Variants in PUS7L observed in about 807,000 individuals in gnomAD.
PUS7L encodes the protein pseudouridine synthase 7 like, also known as pseudouridylate synthase PUS7L.
In PUS7L, 49 loss-of-function variants were observed where a neutral mutation model predicts 51.1. The ratio of observed to expected loss-of-function variants is 0.96; its 90% confidence interval spans 0.76 to 1.22. The LOEUF is 1.22. Among genes scored for constraint, PUS7L ranks in the 50% most tolerant of loss-of-function variants. The pLI, the probability that PUS7L is intolerant of heterozygous loss-of-function variation, is 0.00. For missense variants in PUS7L, 828 were observed against 820.6 expected (o/e 1.01, Z -0.11); for synonymous variants, 277 against 276.2 (o/e 1.00, Z -0.03).
At chr12:43,752,784 A>C (rs1268630299) in intron 2 of PUS7L, among the ~76,000 whole-genome samples, 8 of 152,208 alleles carry the variant, frequency 5.3e-5, no homozygotes, top group Non-Finnish European at 1.2e-4. Flanking sequence ...GGGATGGTGA[A>C]AAAATTCTGG....
Position 43,738,385 on chromosome 12 carries a change from C to G in PUS7L, c.1369G>C (p.Ala457Pro). 1 of 1,558,910 alleles carries G rather than the reference C, an allele frequency of 6.4e-7. No individual in the cohort carries two copies. Among genetic ancestry groups the G allele is most frequent in the South Asian group, 1.1e-5 (1 of 88,640 alleles). ...TCTGGTGTAAGAAACAATTTTATGG[C>G]TTTCATCTTAAAAAATCAAGCAGGT... is the stretch of plus-strand genomic sequence containing the variant. ...LALLKNEMMK[A>P]IKLFLTPEDL... is the part of the protein sequence containing the mutation. Residue 457 changes from alanine to proline, a missense_variant, in exon 6 of 9, where the codon GCC (alanine) becomes CCC (proline). By Grantham distance (27) the Ala-to-Pro change is conservative. Transcript: ENST00000344862.
chr12:43,748,745 G>T lies in PUS7L; in HGVS notation c.911-136C>A, dbSNP rs974970530. On this transcript the variant is annotated intron_variant, in intron 2 of 8. Transcript: ENST00000344862. The stretch of plus-strand genomic sequence containing the variant: ...GTTGTTGTTGTTGTTGTTGTTTTGT[G>T]ATGGAGTGTCACTCTGTCACCAGGC... 33 of 752,660 alleles carry T rather than the reference G, an allele frequency of 4.4e-5. No individual in the cohort carries two copies. In the South Asian group the frequency reaches 6.5e-4, roughly 15 times the overall value. The allele number at this position is 752,660 out of a possible 1,614,324, so 46.6% of individuals were successfully genotyped here. A position where few individuals can be genotyped will look rare whatever the true frequency, so the allele number is the denominator to read the frequency against.
chr12:43,737,510 C>T (rs1056693376), intron 6 of PUS7L, among the ~76,000 whole-genome samples: 3 of 151,180 alleles, frequency 2.0e-5, no homozygotes, highest in Admixed American at 2.0e-4. Flanking sequence ...TTCAGTATGT[C>T]GGTCAGATAT....
chr12:43,755,476 A>G (rs546219331), intron 1 of PUS7L, among the ~76,000 whole-genome samples: 2 of 152,340 alleles, frequency 1.3e-5, no homozygotes, highest in African/African-American at 4.8e-5. Context: ...TATTTCTGGT[A>G]TAGCTAAAGA....
intron 7 of PUS7L, among the ~76,000 whole-genome samples, chr12:43,732,077 A>G (rs1198605642): frequency 1.3e-5 from 2 of 152,136 alleles, no homozygotes; most frequent in Admixed American, 6.6e-5. Context: ...ATTAGGCTGA[A>G]TTGAAAATCT....
intron 6 of PUS7L, 144 bp from the exon 7 acceptor site, chr12:43,736,805 T>A: frequency 1.6e-6 from 1 of 627,594 alleles, no homozygotes; most frequent in Non-Finnish European, 2.7e-6. Context: ...TAGCTACACT[T>A]GAAGAGCTTT....
chr12:43,729,373 T>C lies in PUS7L; in HGVS notation c.*1003A>G, dbSNP rs1038019383. 3 of 387,932 alleles carry C rather than the reference T, an allele frequency of 7.7e-6. No individual in the cohort carries two copies. Among genetic ancestry groups the C allele is most frequent in the African/African-American group, 4.1e-5 (2 of 48,430 alleles). 24.0% of individuals were successfully genotyped at this position (387,932 alleles called of 1,614,324 possible). ...TACTGCTTTTTAAATTTCATCATTA[T>C]ATCTTACCAACAATGAAAGAAATGC... is the stretch of plus-strand genomic sequence containing the variant. On this transcript the variant is annotated 3_prime_UTR_variant, in exon 9 of 9. Transcript: ENST00000344862.
Position 43,730,729 on chromosome 12 carries a change from T to C in PUS7L, c.1780-27A>G, listed in dbSNP as rs975581534. On this transcript the variant is annotated intron_variant, in intron 8 of 8. Coordinates refer to ENST00000344862, the MANE Select transcript of PUS7L (RefSeq NM_031292.5). ...TGTGAAAGAAAAGAGGGAAAAAATA[T>C]GAAAATAGCCTTCAAAAAGATACAT... The C allele has an allele frequency of 1.9e-5, 28 of 1,451,026 alleles. No individual in the cohort carries two copies. In the Middle Eastern group the frequency reaches 1.6e-3, roughly 83 times the overall value. 89.9% of individuals were successfully genotyped at this position (1,451,026 alleles called of 1,614,324 possible).
chr12:43,748,654 T>C (rs1296167609), intron 2 of PUS7L, 45 bp from the exon 3 acceptor site: 1 of 1,361,094 alleles, frequency 7.3e-7, no homozygotes, highest in Non-Finnish European at 1.0e-6. Context: ...GCAGCTACCA[T>C]ACATCAATTA....
In PUS7L at chr12:43,748,470, A is replaced by T; in HGVS notation, c.1050T>A (p.Val350=). ...ATTACCTCTCTGGAGTCACTTTTCT[A>T]ACAACCATTGCTTGATAGGTGATGG... ...KKAITYQAMV[V]RKVTPERLKN... Residue 350 remains valine (V), a synonymous_variant, in exon 3 of 9, where the codon GTT becomes GTA. Coordinates refer to ENST00000344862, the MANE Select transcript of PUS7L (RefSeq NM_031292.5). 1 of 1,591,310 alleles carries T rather than the reference A, an allele frequency of 6.3e-7. No individual in the cohort carries two copies. The highest frequency in any genetic ancestry group is 8.5e-7 in the Non-Finnish European group (1 of 1,174,416).
rs1944478144 is a variant in PUS7L, at chr12:43,728,027, ATAAAT to A, written c.*2344_*2348del. On this transcript the variant is annotated 3_prime_UTR_variant, in exon 9 of 9. Transcript: ENST00000344862. ...TGCAGTTTAAGATGACACTTTAAAA[ATAAAT>A]TAACTCCTAATAATGAGGTGAAGAA... The A allele has an allele frequency of 6.6e-6, 1 of 151,978 alleles. No homozygotes were observed. The highest frequency in any genetic ancestry group is 1.5e-5 in the Non-Finnish European group (1 of 67,986). The allele number at this position is 151,978 out of a possible 1,614,324, so 9.4% of individuals were successfully genotyped here. A position where few individuals can be genotyped will look rare whatever the true frequency, so the allele number is the denominator to read the frequency against.
At chr12:43,738,481 G>T in intron 5 of PUS7L, 90 bp from the exon 6 acceptor site, 6 of 706,860 alleles carry the variant, frequency 8.5e-6, no homozygotes, top group South Asian at 6.8e-5. Flanking sequence ...CATCCTAAAA[G>T]AATAGGGATT....
In PUS7L at chr12:43,719,027, ATT is replaced by A. The variant is rs1944364606; in HGVS notation, c.*11347_*11348del. 1 of 151,446 alleles carries A rather than the reference ATT, an allele frequency of 6.6e-6. No homozygotes were observed. The highest frequency in any genetic ancestry group is 1.5e-5 in the Non-Finnish European group (1 of 67,882). The allele number at this position is 151,446 out of a possible 1,614,324, so 9.4% of individuals were successfully genotyped here. On this transcript the variant is annotated 3_prime_UTR_variant, in exon 9 of 9. Transcript: ENST00000344862. ...AATATTTATTCTTGCATTCTAAAAA[ATT>A]TGATACATAACAATATAAAAGTCCT...
rs1345517247 is a variant in PUS7L, at chr12:43,724,571, T to A, written c.*5805A>T. ...GTCATCAATGCCTCTGCTCATAATG[T>A]CTCAAATTTGTATATATTTCATAAT... On this transcript the variant is annotated 3_prime_UTR_variant, in exon 9 of 9. Transcript: ENST00000344862. The A allele has an allele frequency of 6.6e-6, 1 of 152,106 alleles. No homozygotes were observed. The highest frequency in any genetic ancestry group is 1.9e-4 in the East Asian group (1 of 5,200). The allele number at this position is 152,106 out of a possible 1,614,324, so 9.4% of individuals were successfully genotyped here. A position where few individuals can be genotyped will look rare whatever the true frequency, so the allele number is the denominator to read the frequency against.
chr12:43,755,953 C>T (rs532720624), intron 1 of PUS7L, among the ~76,000 whole-genome samples: 1 of 152,258 alleles, frequency 6.6e-6, no homozygotes, highest in East Asian at 1.9e-4. Flanking sequence ...GAGAATAGTA[C>T]TCTGATCTCT....
intron 2 of PUS7L, among the ~76,000 whole-genome samples, chr12:43,752,409 C>T (rs1402216283): frequency 1.3e-5 from 2 of 152,208 alleles, no homozygotes; most frequent in Non-Finnish European, 2.9e-5. Flanking sequence ...CCACATTCTC[C>T]CTCAAATTCT....
Position 43,730,647 on chromosome 12 carries a change from T to C in PUS7L, c.1835A>G (p.Gln612Arg). The change falls in exon 9 of 9, where the codon CAG becomes CGG. Residue 612 changes from glutamine (Q) to arginine (R), a missense_variant. Coordinates refer to ENST00000344862, the MANE Select transcript of PUS7L (RefSeq NM_031292.5). ...NIQYPKNKVG[Q>R]WYHDILSRDG... ...TCTGCTAAGTATGTCATGGTACCAC[T>C]GCCCTACTTTGTTCTTCGGGTACTG... is the stretch of plus-strand genomic sequence containing the variant. 6.2e-7 allele frequency: 1 copy of C among 1,613,622 alleles called. No homozygotes were observed. Among genetic ancestry groups the C allele is most frequent in the Non-Finnish European group, 8.5e-7 (1 of 1,179,666 alleles).
Position 43,728,039 on chromosome 12 carries a change from CTAA to C in PUS7L, c.*2334_*2336del. On this transcript the variant is annotated 3_prime_UTR_variant, in exon 9 of 9. Transcript: ENST00000344862. ...TGACACTTTAAAAATAAATTAACTC[CTAA>C]TAATGAGGTGAAGAAAAAAAAAAAA... 1 of 151,018 alleles carries C rather than the reference CTAA, an allele frequency of 6.6e-6. No homozygotes were observed. The highest frequency in any genetic ancestry group is 1.9e-4 in the East Asian group (1 of 5,136). The allele number at this position is 151,018 out of a possible 1,614,324, so 9.4% of individuals were successfully genotyped here.
chr12:43,746,985 C>T lies in PUS7L; in HGVS notation c.1071-747G>A, dbSNP rs532909236. ...TCTAAAGTTCTTCTTTCTGCACTATCCTGCACTTCTTGACCACAAAAGCAA... is the reference window on the plus strand; with the variant it reads ...TCTAAAGTTCTTCTTTCTGCACTATTCTGCACTTCTTGACCACAAAAGCAA... On this transcript the variant is annotated intron_variant, in intron 3 of 8. Coordinates refer to ENST00000344862, the MANE Select transcript of PUS7L (RefSeq NM_031292.5). Among the ~76,000 whole-genome samples, 37 of 152,322 alleles carry T rather than the reference C, an allele frequency of 2.4e-4. 1 individual carries two copies. The South Asian group carries it at 7.5e-3, about 31-fold the overall frequency.
Sources: gnomAD v4.1 joint callset for allele counts (sites outside exome capture counted in the v4.1 genomes callset) on GRCh38, gnomAD v4.1.1 for gene constraint, MANE v1.5 for transcripts, NCBI Gene and HGNC (gene_info 2026-07-23, HGNC 2026-07-21) for gene names.